DPYD: variants seen among roughly 807,000 people sequenced by gnomAD.
DPYD encodes dihydropyrimidine dehydrogenase.
DPYD carries 109 observed loss-of-function variants against 116.2 expected under a neutral mutation model. The observed-to-expected ratio is 0.94, with a 90% CI of 0.80 to 1.10. The LOEUF is 1.10. Among genes scored for constraint, DPYD ranks in the 50% least tolerant of loss-of-function variants. The probability of loss-of-function intolerance (pLI) is 0.00; values close to 1 mark genes in which losing one functional copy is unlikely to be tolerated. For missense variants in DPYD, 1,302 were observed against 1,254.5 expected, an observed-to-expected ratio of 1.04 and a Z score of -0.57; for synonymous variants, 440 against 432.0, an observed-to-expected ratio of 1.02 and a Z score of -0.23.
chr1:97,364,322 C>T (rs1430750866), intron 16 of DPYD, among the ~76,000 whole-genome samples: 1 of 152,038 alleles, frequency 6.6e-6, no homozygotes, highest in East Asian at 1.9e-4. Flanking sequence ...TGAACACATA[C>T]TAAGGTTAAT....
chr1:97,251,553 G>A (rs140537621), intron 18 of DPYD, among the ~76,000 whole-genome samples: 2 of 152,128 alleles, frequency 1.3e-5, no homozygotes, highest in Non-Finnish European at 2.9e-5. Flanking sequence ...TTTTATGGTG[G>A]TGTTGCTCTT....
chr1:97,881,166 T>C (rs78674192), intron 2 of DPYD, among the ~76,000 whole-genome samples: 377 of 152,156 alleles, frequency 2.5e-3, no homozygotes, highest in African/African-American at 8.5e-3. Flanking sequence ...TCTCAAAATG[T>C]AGCTATATTT....
intron 16 of DPYD, among the ~76,000 whole-genome samples, chr1:97,323,163 A>G (rs1668405534): frequency 6.7e-6 from 1 of 149,596 alleles, no homozygotes; most frequent in Non-Finnish European, 1.5e-5. Context: ...ATGTGTAAAT[A>G]TATATGTATA....
At chr1:97,664,643 A>G (rs979391134) in intron 8 of DPYD, among the ~76,000 whole-genome samples, 3 of 152,104 alleles carry the variant, frequency 2.0e-5, no homozygotes. Context: ...AGGTCTTAGT[A>G]GTCCAAAACC....
chr1:97,459,861 C>T (rs965090978), intron 13 of DPYD, among the ~76,000 whole-genome samples: 4 of 151,488 alleles, frequency 2.6e-5, no homozygotes, highest in Non-Finnish European at 5.9e-5. Flanking sequence ...TTATATGAGG[C>T]AAAAAAATAA....
At chr1:97,134,586 G>A (rs969190899) in intron 20 of DPYD, among the ~76,000 whole-genome samples, 4 of 152,164 alleles carry the variant, frequency 2.6e-5, no homozygotes, top group Non-Finnish European at 4.4e-5. Context: ...GGAGGAAGAG[G>A]AGGAAACGTG....
intron 8 of DPYD, among the ~76,000 whole-genome samples, chr1:97,656,228 C>T (rs936115001): frequency 6.6e-6 from 1 of 152,176 alleles, no homozygotes; most frequent in African/African-American, 2.4e-5. Flanking sequence ...GAATAATGTT[C>T]TCCACTTGTA....
intron 21 of DPYD, among the ~76,000 whole-genome samples, chr1:97,088,528 G>T (rs1649679606): frequency 6.6e-6 from 1 of 152,074 alleles, no homozygotes; most frequent in African/African-American, 2.4e-5. Context: ...CCTCTGTCTT[G>T]CCTGTCCCTA....
chr1:97,098,408 A>G (rs1178905960), intron 21 of DPYD, 81 bp downstream of exon 21: 2 of 1,506,028 alleles, frequency 1.3e-6, no homozygotes, highest in African/African-American at 2.8e-5. Flanking sequence ...GATACATTTA[A>G]GCAGTAAATA....
At chr1:97,159,961 T>C (rs1489636086) in intron 20 of DPYD, among the ~76,000 whole-genome samples, 1 of 152,034 alleles carries the variant, frequency 6.6e-6, no homozygotes, top group Non-Finnish European at 1.5e-5. Flanking sequence ...CTCTCTCCTG[T>C]CCTTCTTTTC....
At chr1:97,213,330 T>G (rs1660169410) in intron 19 of DPYD, among the ~76,000 whole-genome samples, 1 of 152,178 alleles carries the variant, frequency 6.6e-6, no homozygotes, top group South Asian at 2.1e-4. Context: ...CATAGTAAAT[T>G]TCACATACAA....
At chr1:97,736,933 A>C (rs1663986732) in intron 4 of DPYD, among the ~76,000 whole-genome samples, 1 of 150,788 alleles carries the variant, frequency 6.6e-6, no homozygotes, top group African/African-American at 2.4e-5. Context: ...TACACCAATT[A>C]ATTTAGAACA....
At chr1:97,290,325 GA>G (rs573288983) in intron 18 of DPYD, among the ~76,000 whole-genome samples, 1,822 of 151,990 alleles carry the variant, frequency 0.012, 30 homozygotes, top group Middle Eastern at 0.044. Context: ...CACAGAATTG[GA>G]AAAAACTACT....
At chr1:97,331,654 C>T (rs1043989132) in intron 16 of DPYD, among the ~76,000 whole-genome samples, 1 of 152,112 alleles carries the variant, frequency 6.6e-6, no homozygotes, top group Non-Finnish European at 1.5e-5. Context: ...CTAAAGAAGA[C>T]TAGAGCTAAT....
intron 3 of DPYD, among the ~76,000 whole-genome samples, chr1:97,786,918 G>C (rs1004524061): frequency 2.0e-5 from 3 of 152,072 alleles, no homozygotes; most frequent in Non-Finnish European, 4.4e-5. Flanking sequence ...TGTGTAAATT[G>C]TTCTCCTTTT....
chr1:97,696,655 G>A (rs1661324454), intron 6 of DPYD, among the ~76,000 whole-genome samples: 1 of 151,902 alleles, frequency 6.6e-6, no homozygotes, highest in South Asian at 2.1e-4. Context: ...TATAGTCAGT[G>A]GAAAGTCAGA....
chr1:97,763,316 T>C (rs777778003), intron 3 of DPYD, among the ~76,000 whole-genome samples: 7 of 152,102 alleles, frequency 4.6e-5, no homozygotes, highest in Non-Finnish European at 1.0e-4. Context: ...CAAATTATTG[T>C]AGATAAAGTC....
chr1:97,128,874 C>T (rs561909236), intron 20 of DPYD, among the ~76,000 whole-genome samples: 114 of 152,120 alleles, frequency 7.5e-4, no homozygotes, highest in African/African-American at 2.7e-3. Flanking sequence ...ATAGTATCAA[C>T]TGAGATGGAG....
At chr1:97,488,204 T>C (rs1460096315) in intron 13 of DPYD, among the ~76,000 whole-genome samples, 1 of 152,140 alleles carries the variant, frequency 6.6e-6, no homozygotes, top group Non-Finnish European at 1.5e-5. Flanking sequence ...TATAAATCTA[T>C]TTATACAATA....
Sources: allele counts gnomAD v4.1 joint callset (sites outside exome capture counted in the v4.1 genomes callset), GRCh38; gene constraint gnomAD v4.1.1; transcripts MANE v1.5; gene names NCBI Gene and HGNC (gene_info 2026-07-23, HGNC 2026-07-21).